EML4: variants seen among roughly 807,000 people sequenced by gnomAD.
The protein encoded by EML4 is EMAP like 4.
In EML4, 72 loss-of-function variants were observed where a neutral mutation model predicts 129.0. That is an observed-to-expected ratio of 0.56 (90% confidence interval 0.46 to 0.68). The LOEUF (loss-of-function observed/expected upper bound fraction) is 0.68. Ranked by LOEUF, EML4 falls within the 30% of genes least tolerant of loss-of-function variation. The pLI, the probability that EML4 is intolerant of heterozygous loss-of-function variation, is 0.00. For synonymous variants in EML4, 532 were observed against 405.0 expected (o/e 1.31, Z -3.77); for missense variants, 1,363 against 1,190.6 (o/e 1.14, Z -2.13).
At chr2:42,322,996 C>T (rs979886536) in intron 19 of EML4, among the ~76,000 whole-genome samples, 1 of 151,762 alleles carries the variant, frequency 6.6e-6, no homozygotes, top group East Asian at 1.9e-4. Flanking sequence ...TGTTGATTTA[C>T]CTTCTGAAAA....
At chr2:42,271,258 C>G (rs2104425158) in intron 6 of EML4, among the ~76,000 whole-genome samples, 1 of 152,342 alleles carries the variant, frequency 6.6e-6, no homozygotes, top group South Asian at 2.1e-4. Flanking sequence ...ATCCCTACAT[C>G]TGGGCTTTGT....
chr2:42,228,587 C>T (rs1401783192), intron 1 of EML4, among the ~76,000 whole-genome samples: 3 of 152,142 alleles, frequency 2.0e-5, no homozygotes, highest in Middle Eastern at 3.2e-3. Context: ...ATAGTGAGCT[C>T]TTAAAATGGC....
Position 42,331,136 on chromosome 2 carries a change from A to G in EML4, c.*929A>G, listed in dbSNP as rs1215202760. 2 of 218,456 alleles carry G rather than the reference A, an allele frequency of 9.2e-6. No homozygotes were observed. The highest frequency in any genetic ancestry group is 4.5e-5 in the African/African-American group (2 of 44,566). The allele number at this position is 218,456 out of a possible 1,614,324, so 13.5% of individuals were successfully genotyped here. The stretch of plus-strand genomic sequence containing the variant: ...TCAGTAATAGGAGAAATATAAATAC[A>G]GTAAGTTTAGATTATTGAATTGGTG... On this transcript the variant is annotated 3_prime_UTR_variant, in exon 23 of 23. Transcript: ENST00000318522.
At chr2:42,324,885 T>A (rs1333282636) in intron 19 of EML4, among the ~76,000 whole-genome samples, 2 of 152,160 alleles carry the variant, frequency 1.3e-5, no homozygotes, top group African/African-American at 2.4e-5. Context: ...AAGGAATGTT[T>A]TAAGGAATCA....
At chr2:42,223,501 CTGTTTTT>C (rs1673755077) in intron 1 of EML4, among the ~76,000 whole-genome samples, 1 of 152,068 alleles carries the variant, frequency 6.6e-6, no homozygotes, top group Non-Finnish European at 1.5e-5. Context: ...TGTTTGTTTT[CTGTTTTT>C]TAAGAGCTCT....
chr2:42,231,948 C>CA (rs556284848), intron 1 of EML4, among the ~76,000 whole-genome samples: 4,079 of 139,152 alleles, frequency 0.029, 185 homozygotes, highest in African/African-American at 0.097. Flanking sequence ...GACTCCGTCT[C>CA]AAAAAAAAAA....
chr2:42,244,175 T>C (rs1033779254), intron 1 of EML4, among the ~76,000 whole-genome samples: 1 of 149,896 alleles, frequency 6.7e-6, no homozygotes, highest in African/African-American at 2.5e-5. Flanking sequence ...CTCGGCTCAC[T>C]GCAACCTTTG....
At chr2:42,307,130 C>T (rs1668649766) in intron 17 of EML4, among the ~76,000 whole-genome samples, 1 of 152,190 alleles carries the variant, frequency 6.6e-6, no homozygotes, top group African/African-American at 2.4e-5. Flanking sequence ...AGATAAACTG[C>T]TTTGGTTGAA....
chr2:42,258,396 G>GAT (rs10538737), intron 3 of EML4, among the ~76,000 whole-genome samples: 34 of 149,644 alleles, frequency 2.3e-4, no homozygotes, highest in African/African-American at 3.2e-4. Flanking sequence ...TATTTTTTAA[G>GAT]ATATATATAT....
chr2:42,317,507 A>C lies in EML4; in HGVS notation c.2137A>C (p.Arg713=). The C allele has an allele frequency of 6.2e-7, 1 of 1,608,712 alleles. No individual in the cohort carries two copies. Among genetic ancestry groups the C allele is most frequent in the Non-Finnish European group, 8.5e-7 (1 of 1,176,660 alleles). Reference sequence around the variant, plus strand: ...CTCTGAAAATGGAAGAAAATATAGCAGATATGGAAGGTGCACTGTAAGTAG... The same window carrying C: ...CTCTGAAAATGGAAGAAAATATAGCCGATATGGAAGGTGCACTGTAAGTAG... The part of the protein sequence containing the change: ...VVSENGRKYS[R]YGRCTGHSSY... The change falls in exon 19 of 23, where the codon AGA becomes CGA. Residue 713 remains arginine, a synonymous_variant. Transcript: ENST00000318522.
intron 21 of EML4, 39 bp downstream of exon 21, chr2:42,326,291 G>A (rs1205309806): frequency 2.9e-6 from 4 of 1,394,620 alleles, no homozygotes; most frequent in Non-Finnish European, 4.0e-6. Context: ...GTGGTTTGTG[G>A]GTTTTTTATA....
intron 1 of EML4, among the ~76,000 whole-genome samples, chr2:42,197,650 T>G (rs910892600): frequency 6.6e-6 from 1 of 151,996 alleles, no homozygotes; most frequent in Non-Finnish European, 1.5e-5. Context: ...CTGTGAAATA[T>G]ATATTGGTAG....
chr2:42,310,415 G>A (rs1242954392), intron 17 of EML4, among the ~76,000 whole-genome samples: 2 of 151,384 alleles, frequency 1.3e-5, no homozygotes, highest in African/African-American at 2.4e-5. Context: ...CATAATCTCA[G>A]CTCACTTGCA....
chr2:42,301,094 A>G (rs1668260907), intron 13 of EML4, 147 bp from the exon 14 acceptor site: 1 of 625,812 alleles, frequency 1.6e-6, no homozygotes. Context: ...TGCTTTGCAC[A>G]AAAGACTTGC....
intron 1 of EML4, among the ~76,000 whole-genome samples, chr2:42,201,496 T>A (rs1672231937): frequency 6.6e-6 from 1 of 152,232 alleles, no homozygotes; most frequent in Non-Finnish European, 1.5e-5. Context: ...GTCCCACTTC[T>A]GAGTATATAT....
intron 1 of EML4, among the ~76,000 whole-genome samples, chr2:42,239,045 A>G (rs1360930251): frequency 1.3e-5 from 2 of 152,206 alleles, no homozygotes; most frequent in Non-Finnish European, 2.9e-5. Flanking sequence ...GCTGAATTAT[A>G]GGCCTGAGCC....
At chr2:42,276,795 T>C (rs1180122000) in intron 6 of EML4, among the ~76,000 whole-genome samples, 4 of 152,248 alleles carry the variant, frequency 2.6e-5, no homozygotes, top group Non-Finnish European at 5.9e-5. Context: ...TTTCCAAAGC[T>C]CATGCTGTTT....
At chr2:42,309,006 A>G (rs962739519) in intron 17 of EML4, among the ~76,000 whole-genome samples, 4 of 152,206 alleles carry the variant, frequency 2.6e-5, no homozygotes, top group African/African-American at 9.7e-5. Flanking sequence ...TTTGGCTACT[A>G]TGAATAATGC....
intron 17 of EML4, among the ~76,000 whole-genome samples, chr2:42,305,737 A>C (rs990680252): frequency 6.6e-6 from 1 of 152,212 alleles, no homozygotes; most frequent in Admixed American, 6.5e-5. Context: ...CCCAAAATTA[A>C]ACTCATTAAA....
Sources: allele counts gnomAD v4.1 joint callset (sites outside exome capture counted in the v4.1 genomes callset), GRCh38; gene constraint gnomAD v4.1.1; transcripts MANE v1.5; gene names NCBI Gene and HGNC (gene_info 2026-07-23, HGNC 2026-07-21).